GRM7: variants seen among roughly 807,000 people sequenced by gnomAD.
GRM7 encodes the protein metabotropic glutamate receptor 7.
GRM7 carries 35 observed loss-of-function variants against 84.5 expected under a neutral mutation model. That is an observed-to-expected ratio of 0.41 (90% CI 0.32 to 0.55). The LOEUF (loss-of-function observed/expected upper bound fraction) is 0.55, where lower values mean the gene tolerates loss of function less well. GRM7 is among the 20% of genes least tolerant of loss of function. The pLI, the probability that GRM7 is intolerant of heterozygous loss-of-function variation, is 0.19. For missense variants in GRM7, 1,003 were observed against 1,194.6 expected (o/e 0.84, Z 2.36); for synonymous variants, 487 against 455.1 (o/e 1.07, Z -0.89).
intron 1 of GRM7, among the ~76,000 whole-genome samples, chr3:6,893,477 T>C (rs533381155): frequency 3.3e-5 from 5 of 152,352 alleles, no homozygotes; most frequent in Admixed American, 1.3e-4. Context: ...TTTGACCTAA[T>C]TGAGGCAATT....
At chr3:7,376,614 G>A (rs544416331) in intron 4 of GRM7, among the ~76,000 whole-genome samples, 7 of 152,164 alleles carry the variant, frequency 4.6e-5, no homozygotes, top group South Asian at 2.1e-4. Flanking sequence ...CATGTGACCC[G>A]CTGCCCTGAA....
intron 1 of GRM7, among the ~76,000 whole-genome samples, chr3:7,115,126 C>A: frequency 6.6e-6 from 1 of 152,104 alleles, no homozygotes; most frequent in Non-Finnish European, 1.5e-5. Context: ...GAAACTATGC[C>A]ACTTATCTAA....
intron 7 of GRM7, among the ~76,000 whole-genome samples, chr3:7,501,565 G>A (rs80210345): frequency 0.011 from 1,724 of 152,284 alleles, 30 homozygotes; most frequent in African/African-American, 0.04. Context: ...TAGCCTATGT[G>A]TTTAAGGTCA....
At chr3:6,994,746 T>C (rs7340622) in intron 1 of GRM7, among the ~76,000 whole-genome samples, 84,217 of 151,978 alleles carry the variant, frequency 0.55, 23,985 homozygotes, top group African/African-American at 0.69. Flanking sequence ...TTTTCCAATA[T>C]CTTTTTAGTA....
intron 1 of GRM7, among the ~76,000 whole-genome samples, chr3:6,943,638 C>G (rs1271102667): frequency 2.6e-5 from 4 of 151,908 alleles, no homozygotes; most frequent in Non-Finnish European, 5.9e-5. Context: ...GATCATTTAG[C>G]TTTGTTCTTT....
intron 4 of GRM7, among the ~76,000 whole-genome samples, chr3:7,360,458 T>A (rs1367662956): frequency 6.6e-6 from 1 of 152,128 alleles, no homozygotes; most frequent in Non-Finnish European, 1.5e-5. Flanking sequence ...GGGGTTACCA[T>A]AACAATTAAG....
chr3:7,096,215 G>A (rs959915651), intron 1 of GRM7, among the ~76,000 whole-genome samples: 6 of 151,984 alleles, frequency 3.9e-5, no homozygotes, highest in African/African-American at 1.2e-4. Context: ...TGGGTGTATG[G>A]CAGTACACCT....
chr3:7,075,611 C>T (rs368884453), intron 1 of GRM7, among the ~76,000 whole-genome samples: 2 of 151,396 alleles, frequency 1.3e-5, no homozygotes, highest in African/African-American at 2.4e-5. Flanking sequence ...CTGCAGCCTC[C>T]GGCTCCTGGG....
intron 2 of GRM7, among the ~76,000 whole-genome samples, chr3:7,182,883 G>A (rs982940346): frequency 1.4e-5 from 2 of 142,824 alleles, no homozygotes; most frequent in Non-Finnish European, 3.0e-5. Flanking sequence ...GGTTTTAGGC[G>A]TAACGTGAAA....
intron 1 of GRM7, among the ~76,000 whole-genome samples, chr3:7,001,697 T>C (rs1695018811): frequency 2.6e-5 from 2 of 76,426 alleles, no homozygotes; most frequent in African/African-American, 1.1e-4. Context: ...AATTAATTTA[T>C]TTTTGAACAG....
At chr3:7,038,515 A>G (rs562514573) in intron 1 of GRM7, among the ~76,000 whole-genome samples, 10 of 152,322 alleles carry the variant, frequency 6.6e-5, no homozygotes, top group Non-Finnish European at 1.5e-4. Context: ...TTTAAGTGTC[A>G]GAGCTCACGG....
intron 1 of GRM7, among the ~76,000 whole-genome samples, chr3:7,090,005 G>A (rs1035023285): frequency 9.9e-5 from 15 of 152,004 alleles, no homozygotes; most frequent in African/African-American, 3.6e-4. Context: ...ACCATGTCTG[G>A]CTAATTTTTG....
intron 1 of GRM7, among the ~76,000 whole-genome samples, chr3:7,073,949 G>A (rs1304057925): frequency 1.4e-5 from 2 of 146,884 alleles, no homozygotes; most frequent in African/African-American, 5.2e-5. Context: ...ATATAAATGA[G>A]GATATTAATT....
intron 2 of GRM7, among the ~76,000 whole-genome samples, chr3:7,195,944 T>C (rs1695864396): frequency 6.6e-6 from 1 of 152,164 alleles, no homozygotes; most frequent in Non-Finnish European, 1.5e-5. Flanking sequence ...ATAGGATGTG[T>C]GGATATAAAG....
intron 2 of GRM7, among the ~76,000 whole-genome samples, chr3:7,229,984 C>T (rs921487418): frequency 4.7e-5 from 7 of 150,140 alleles, no homozygotes; most frequent in East Asian, 2.0e-4. Flanking sequence ...GGACTACAGG[C>T]GCCCACCACC....
intron 2 of GRM7, among the ~76,000 whole-genome samples, chr3:7,196,407 A>C (rs571773790): frequency 6.6e-6 from 1 of 152,098 alleles, no homozygotes; most frequent in Admixed American, 6.6e-5. Flanking sequence ...TGACACATAC[A>C]GTGAACTATG....
At chr3:7,582,659 C>G (rs1695316176) in intron 8 of GRM7, among the ~76,000 whole-genome samples, 1 of 150,934 alleles carries the variant, frequency 6.6e-6, no homozygotes, top group South Asian at 2.1e-4. Context: ...TATAACAGAA[C>G]AAGGTTATAT....
intron 7 of GRM7, among the ~76,000 whole-genome samples, chr3:7,539,400 G>A (rs1692738455): frequency 6.6e-6 from 1 of 152,124 alleles, no homozygotes; most frequent in African/African-American, 2.4e-5. Context: ...CTCTCAGCCA[G>A]GTGTGGTGGC....
chr3:7,214,002 T>A (rs1035890900), intron 2 of GRM7, among the ~76,000 whole-genome samples: 26 of 152,120 alleles, frequency 1.7e-4, no homozygotes, highest in Non-Finnish European at 3.4e-4. Context: ...GGATATTTTT[T>A]AAATTCTCTT....
Sources: allele counts gnomAD v4.1 joint callset (sites outside exome capture counted in the v4.1 genomes callset), GRCh38; gene constraint gnomAD v4.1.1; transcripts MANE v1.5; gene names NCBI Gene and HGNC (gene_info 2026-07-23, HGNC 2026-07-21).